The following LMCD1 variants were observed in gnomAD, a reference collection of about 807,000 sequenced individuals.
The protein encoded by LMCD1 is LIM and cysteine rich domains 1.
LMCD1 carries 32 observed loss-of-function variants against 42.7 expected under a neutral mutation model. That is an observed-to-expected ratio of 0.75 (90% CI 0.57 to 1.01). The LOEUF is 1.01. Among genes scored for constraint, LMCD1 ranks in the 50% least tolerant of loss-of-function variants. LMCD1 has a pLI of 0.00. For missense variants in LMCD1, 458 were observed against 483.1 expected, an observed-to-expected ratio of 0.95 and a Z score of 0.49; for synonymous variants, 178 against 184.9, an observed-to-expected ratio of 0.96 and a Z score of 0.30.
intron 2 of LMCD1, among the ~76,000 whole-genome samples, chr3:8,536,435 G>T (rs1161922603): frequency 6.6e-6 from 1 of 152,088 alleles, no homozygotes; most frequent in Non-Finnish European, 1.5e-5. Flanking sequence ...CCCTCCCCAG[G>T]ATGTGTTTCC....
At chr3:8,506,110 T>C (rs568271270) in intron 1 of LMCD1, among the ~76,000 whole-genome samples, 35 of 152,308 alleles carry the variant, frequency 2.3e-4, no homozygotes, top group African/African-American at 7.7e-4. Context: ...CAGATTTTTG[T>C]CCTAAGCTGC....
At chr3:8,502,468 C>T (rs1693778820) in intron 1 of LMCD1, among the ~76,000 whole-genome samples, 1 of 129,446 alleles carries the variant, frequency 7.7e-6, no homozygotes, top group Admixed American at 9.6e-5. Context: ...AGCTTCCTCA[C>T]TCCCTGTCCT....
rs1000831241 is a variant in LMCD1, at chr3:8,565,662, C to A, written c.939+15C>A. 4.4e-6 allele frequency: 7 copies of A among 1,574,088 alleles called. No individual in the cohort carries two copies. Among genetic ancestry groups the A allele is most frequent in the Non-Finnish European group, 6.0e-6 (7 of 1,159,936 alleles). On this transcript the variant is annotated intron_variant, in intron 5 of 5. Transcript: ENST00000157600. ...GCTGCGATGAGGTGGGAGATAGCCG[C>A]GAGATGGGTTAGGGGGCTTGAGGGA...
intron 1 of LMCD1, among the ~76,000 whole-genome samples, chr3:8,515,890 A>T (rs1214896436): frequency 6.6e-6 from 1 of 152,044 alleles, no homozygotes; most frequent in Non-Finnish European, 1.5e-5. Context: ...CCAAGATCAG[A>T]ACTGGCAAAG....
chr3:8,563,614 CCAAAAT>C (rs1345079504), intron 4 of LMCD1, among the ~76,000 whole-genome samples: 1 of 152,110 alleles, frequency 6.6e-6, no homozygotes, highest in Non-Finnish European at 1.5e-5. Flanking sequence ...GGGGGATCTG[CCAAAAT>C]CATGCATGGG....
chr3:8,532,540 G>T (rs1236805645), intron 1 of LMCD1, among the ~76,000 whole-genome samples, 197 bp from the exon 2 acceptor site: 1 of 152,084 alleles, frequency 6.6e-6, no homozygotes, highest in African/African-American at 2.4e-5. Flanking sequence ...TTCCACAATT[G>T]CCTACCCTCT....
intron 1 of LMCD1, among the ~76,000 whole-genome samples, chr3:8,530,385 C>A (rs1397672608): frequency 2.6e-5 from 4 of 152,220 alleles, no homozygotes; most frequent in African/African-American, 9.6e-5. Flanking sequence ...CCCCGCATCA[C>A]CGGCGAGTGC....
intron 1 of LMCD1, among the ~76,000 whole-genome samples, chr3:8,508,171 C>T (rs1256070229): frequency 6.6e-6 from 1 of 152,182 alleles, no homozygotes; most frequent in African/African-American, 2.4e-5. Flanking sequence ...TCCTAATACT[C>T]TAAAAATAAT....
intron 1 of LMCD1, among the ~76,000 whole-genome samples, chr3:8,511,457 G>A (rs922124984): frequency 3.3e-5 from 5 of 152,198 alleles, no homozygotes; most frequent in Non-Finnish European, 7.3e-5. Flanking sequence ...AAGAATCATA[G>A]CAGTGCCTAA....
At position 8,565,588 on chromosome 3, in the gene LMCD1, C is replaced by T; in HGVS notation, c.880C>T (p.Pro294Ser). 1 of 1,611,410 alleles carries T rather than the reference C, an allele frequency of 6.2e-7. No individual in the cohort carries two copies. Residue 294 changes from proline (P) to serine (S), a missense_variant, in exon 5 of 6, where the codon CCC (proline) becomes TCC (serine). Physicochemically the swap from Pro to Ser is moderately conservative, Grantham distance 74. Transcript: ENST00000157600. ...CATCTACTTCTGGAAGGATGGTGCA[C>T]CCTGGTGCGGCCGCCATTACTGCGA... ...DLIYFWKDGA[P>S]WCGRHYCESL...
At chr3:8,523,550 T>C (rs1466905882) in intron 1 of LMCD1, among the ~76,000 whole-genome samples, 1 of 152,246 alleles carries the variant, frequency 6.6e-6, no homozygotes, top group Non-Finnish European at 1.5e-5. Context: ...CATATCATAC[T>C]TGGGAAGACA....
In LMCD1 at chr3:8,548,862, A is replaced by C; in HGVS notation, c.682A>C (p.Thr228Pro). Reference sequence around the variant, plus strand: ...GGGGGCAGAGACCACTGCTGCTACCACCAACGGCAGTCTCAGTGACCCGTC... The same window carrying C: ...GGGGGCAGAGACCACTGCTGCTACCCCCAACGGCAGTCTCAGTGACCCGTC... ...PEGAETTAAT[T>P]NGSLSDPSKE... The change falls in exon 4 of 6, where the codon ACC (threonine) becomes CCC (proline). Residue 228 changes from threonine (T) to proline (P), a missense_variant. Transcript: ENST00000157600. 8 of 1,563,868 alleles carry C rather than the reference A, an allele frequency of 5.1e-6. No individual in the cohort carries two copies. The highest frequency in any genetic ancestry group is 7.0e-6 in the Non-Finnish European group (8 of 1,150,714).
Position 8,548,770 on chromosome 3 carries a change from G to T in LMCD1, c.590G>T (p.Gly197Val). ...KQYKSEALGV[G>V]EVALPGQGGL... ...TATAAGAGCGAGGCCCTCGGCGTGG[G>T]AGAAGTGGCCCTCCCGGGGCAGGGT... Residue 197 changes from glycine to valine, a missense_variant, in exon 4 of 6, where the codon GGA (glycine) becomes GTA (valine). Coordinates refer to ENST00000157600, the MANE Select transcript of LMCD1 (RefSeq NM_014583.4). The T allele has an allele frequency of 3.1e-6, 5 of 1,612,820 alleles. No homozygotes were observed. The highest frequency in any genetic ancestry group is 4.2e-6 in the Non-Finnish European group (5 of 1,178,886).
At chr3:8,564,212 A>C (rs2125040669) in intron 4 of LMCD1, among the ~76,000 whole-genome samples, 1 of 152,238 alleles carries the variant, frequency 6.6e-6, no homozygotes, top group East Asian at 1.9e-4. Flanking sequence ...AATATATAGA[A>C]ATTCTCTGTG....
chr3:8,515,099 G>GC, intron 1 of LMCD1: 1 of 440,706 alleles, frequency 2.3e-6, no homozygotes, highest in Admixed American at 2.4e-5. Flanking sequence ...TGAGGCCAAA[G>GC]CATGGAAAGT....
chr3:8,538,164 G>A (rs6784926), intron 3 of LMCD1, among the ~76,000 whole-genome samples: 56,994 of 151,926 alleles, frequency 0.38, 11,305 homozygotes, highest in Non-Finnish European at 0.44. Context: ...ATGACTCCCC[G>A]TGCAGCCACC....
At position 8,570,465 on chromosome 3, in the gene LMCD1, C is replaced by G. The variant is rs912779799; in HGVS notation, c.*2867C>G. The G allele has an allele frequency of 6.6e-6, 1 of 152,442 alleles. No homozygotes were observed. Among genetic ancestry groups the G allele is most frequent in the Non-Finnish European group, 1.5e-5 (1 of 68,176 alleles). The allele number at this position is 152,442 out of a possible 1,614,324, so 9.4% of individuals were successfully genotyped here. A position where few individuals can be genotyped will look rare whatever the true frequency, so the allele number is the denominator to read the frequency against. ...CACAACAGTCCCCATGGGGCACCAC[C>G]CAGCACCTGCCCCTGCCTTTCTCAT... On this transcript the variant is annotated 3_prime_UTR_variant, in exon 6 of 6. Transcript: ENST00000157600.
At chr3:8,523,610 C>T (rs764049030) in intron 1 of LMCD1, among the ~76,000 whole-genome samples, 1 of 152,222 alleles carries the variant, frequency 6.6e-6, no homozygotes, top group Non-Finnish European at 1.5e-5. Flanking sequence ...CTTCCCAAAG[C>T]TTGGGGAGGT....
chr3:8,524,125 C>T (rs1372774215), intron 1 of LMCD1, among the ~76,000 whole-genome samples: 1 of 151,186 alleles, frequency 6.6e-6, no homozygotes, highest in African/African-American at 2.4e-5. Flanking sequence ...GGTATAGGCC[C>T]CAGGATTCTT....
Sources: allele counts gnomAD v4.1 joint callset (sites outside exome capture counted in the v4.1 genomes callset), GRCh38; gene constraint gnomAD v4.1.1; transcripts MANE v1.5; gene names NCBI Gene and HGNC (gene_info 2026-07-23, HGNC 2026-07-21).